LRMDA: variants seen among roughly 807,000 people sequenced by gnomAD.
The protein encoded by LRMDA is leucine-rich melanocyte differentiation-associated protein.
A neutral mutation model predicts 29.8 loss-of-function variants in LRMDA; 18 were observed. The observed-to-expected ratio is 0.60, with a 90% CI of 0.42 to 0.90. The LOEUF (loss-of-function observed/expected upper bound fraction) is 0.90, where lower values mean the gene tolerates loss of function less well. Among genes scored for constraint, LRMDA ranks in the 40% least tolerant of loss-of-function variants. The pLI is 0.00. For missense variants in LRMDA, 273 were observed against 273.9 expected (o/e 1.00, Z 0.02); for synonymous variants, 125 against 109.4 (o/e 1.14, Z -0.89).
chr10:76,022,845 C>T (rs1669953590), intron 2 of LRMDA, among the ~76,000 whole-genome samples: 1 of 152,102 alleles, frequency 6.6e-6, no homozygotes, highest in Admixed American at 6.5e-5. Context: ...TCTATTCAAC[C>T]AGGCTGTTTA....
chr10:75,789,052 C>G (rs1402115967), intron 2 of LRMDA, among the ~76,000 whole-genome samples: 1 of 152,238 alleles, frequency 6.6e-6, no homozygotes, highest in East Asian at 1.9e-4. Flanking sequence ...GATGTCTGGT[C>G]TGTTTCCTCC....
At chr10:75,987,980 A>C (rs1257819121) in intron 2 of LRMDA, among the ~76,000 whole-genome samples, 1 of 152,100 alleles carries the variant, frequency 6.6e-6, no homozygotes, top group African/African-American at 2.4e-5. Flanking sequence ...ATCTGTGAGG[A>C]TGGCCAGATA....
intron 2 of LRMDA, among the ~76,000 whole-genome samples, chr10:75,748,890 G>T (rs1842920081): frequency 6.6e-6 from 1 of 151,914 alleles, no homozygotes; most frequent in Non-Finnish European, 1.5e-5. Context: ...TTTTATATCT[G>T]ATATATACAT....
At chr10:75,829,895 T>TA (rs1269816912) in intron 2 of LRMDA, among the ~76,000 whole-genome samples, 1 of 149,592 alleles carries the variant, frequency 6.7e-6, no homozygotes, top group Non-Finnish European at 1.5e-5. Context: ...TGACTGCTTG[T>TA]ATCCCAACTT....
intron 5 of LRMDA, among the ~76,000 whole-genome samples, chr10:76,271,870 A>G (rs1840072133): frequency 6.6e-6 from 1 of 152,160 alleles, no homozygotes; most frequent in Admixed American, 6.6e-5. Flanking sequence ...ACTTGTGACC[A>G]TGGGAGAGAA....
intron 2 of LRMDA, among the ~76,000 whole-genome samples, chr10:75,865,400 G>A (rs529711223): frequency 1.3e-5 from 2 of 152,214 alleles, no homozygotes; most frequent in East Asian, 3.9e-4. Context: ...ATTTCATTAT[G>A]CAAGTATATC....
At chr10:76,442,820 G>A (rs563308458) in intron 6 of LRMDA, among the ~76,000 whole-genome samples, 14 of 152,144 alleles carry the variant, frequency 9.2e-5, no homozygotes, top group African/African-American at 2.2e-4. Context: ...CAAGTCTTAC[G>A]TAATGAATAA....
intron 5 of LRMDA, among the ~76,000 whole-genome samples, chr10:76,237,288 C>G (rs77638017): frequency 7.2e-5 from 11 of 152,250 alleles, no homozygotes; most frequent in Non-Finnish European, 1.3e-4. Flanking sequence ...TACAAAAATA[C>G]ATGTGTAGAT....
At chr10:75,706,968 G>C (rs1842377730) in intron 2 of LRMDA, among the ~76,000 whole-genome samples, 1 of 152,124 alleles carries the variant, frequency 6.6e-6, no homozygotes. Context: ...CTGACCACTG[G>C]AACTTAAGCT....
chr10:75,972,144 A>T (rs904804081), intron 2 of LRMDA, among the ~76,000 whole-genome samples: 1 of 152,230 alleles, frequency 6.6e-6, no homozygotes, highest in African/African-American at 2.4e-5. Context: ...CTAGAATCAT[A>T]GCAGCCCAGG....
At chr10:75,606,664 C>T (rs889005842) in intron 2 of LRMDA, among the ~76,000 whole-genome samples, 3 of 152,178 alleles carry the variant, frequency 2.0e-5, no homozygotes, top group Non-Finnish European at 4.4e-5. Flanking sequence ...CCTTTCTTCT[C>T]ACTTCTTTTC....
At chr10:75,629,350 T>TTCC (rs1424610134) in intron 2 of LRMDA, among the ~76,000 whole-genome samples, 14 of 152,188 alleles carry the variant, frequency 9.2e-5, no homozygotes, top group Non-Finnish European at 2.1e-4. Flanking sequence ...TTTCTTTCTC[T>TTCC]TCCTCCTCCT....
At chr10:75,684,108 G>T (rs1011930548) in intron 2 of LRMDA, among the ~76,000 whole-genome samples, 2 of 152,186 alleles carry the variant, frequency 1.3e-5, no homozygotes, top group African/African-American at 2.4e-5. Flanking sequence ...GAAGTATTTT[G>T]TTGGGTAAAG....
At chr10:75,946,884 A>G (rs1392094516) in intron 2 of LRMDA, among the ~76,000 whole-genome samples, 1 of 152,310 alleles carries the variant, frequency 6.6e-6, no homozygotes, top group East Asian at 1.9e-4. Flanking sequence ...ACAACACTGC[A>G]GAACTCTAAG....
chr10:75,855,030 G>A (rs1031793806), intron 2 of LRMDA, among the ~76,000 whole-genome samples: 10 of 152,124 alleles, frequency 6.6e-5, no homozygotes, highest in Admixed American at 1.3e-4. Flanking sequence ...ATAAACATAC[G>A]TGTGCATGTG....
intron 5 of LRMDA, among the ~76,000 whole-genome samples, chr10:76,111,806 G>T (rs1286371897): frequency 4.0e-5 from 4 of 99,676 alleles, no homozygotes; most frequent in Non-Finnish European, 7.3e-5. Flanking sequence ...GCCGAAATGG[G>T]GGTGGGGGGG....
intron 2 of LRMDA, among the ~76,000 whole-genome samples, chr10:75,968,277 G>C (rs1324544317): frequency 1.3e-5 from 2 of 152,008 alleles, no homozygotes; most frequent in Non-Finnish European, 2.9e-5. Context: ...GAAGTTGTGG[G>C]GCTGATCTGT....
Position 75,473,578 on chromosome 10 carries a change from T to TGG in LRMDA, c.131+35086_131+35087dup, listed in dbSNP as rs1023149602. 8.5e-5 allele frequency among the ~76,000 whole-genome samples: 13 copies of TGG among 152,340 alleles called. No homozygotes were observed. In the South Asian group the frequency reaches 2.3e-3, roughly 27 times the overall value. ...TCTGCAGAAAGTGCACTTAGGAATG[T>TGG]GGGCTCCAAAGGCAGACTGCTCAGG... On this transcript the variant is annotated intron_variant, in intron 2 of 6. Coordinates refer to ENST00000611255, the MANE Select transcript of LRMDA (RefSeq NM_001305581.2).
At chr10:75,531,028 C>G (rs1845471362) in intron 2 of LRMDA, among the ~76,000 whole-genome samples, 1 of 152,156 alleles carries the variant, frequency 6.6e-6, no homozygotes, top group Non-Finnish European at 1.5e-5. Flanking sequence ...CACAACAGCT[C>G]ACATTTCACA....
Sources: allele counts gnomAD v4.1 joint callset (sites outside exome capture counted in the v4.1 genomes callset), GRCh38; gene constraint gnomAD v4.1.1; transcripts MANE v1.5; gene names NCBI Gene and HGNC (gene_info 2026-07-23, HGNC 2026-07-21).